CCDC187: variants seen among roughly 807,000 people sequenced by gnomAD.
The protein encoded by CCDC187 is coiled-coil domain containing 187.
A neutral mutation model predicts 38.0 loss-of-function variants in CCDC187; 32 were observed. The ratio of observed to expected loss-of-function variants is 0.84; its 90% CI spans 0.64 to 1.13. The LOEUF is 1.13. Ranked by LOEUF, CCDC187 falls within the 50% of genes most tolerant of loss-of-function variation. The probability of loss-of-function intolerance (pLI) is 0.00; values close to 1 mark genes in which losing one functional copy is unlikely to be tolerated. For synonymous variants in CCDC187, 333 were observed against 347.9 expected (o/e 0.96, Z 0.48); for missense variants, 707 against 786.8 (o/e 0.90, Z 1.21).
At chr9:136,299,250 G>A (rs1020087845) in intron 3 of CCDC187, among the ~76,000 whole-genome samples, 8 of 152,156 alleles carry the variant, frequency 5.3e-5, no homozygotes, top group Non-Finnish European at 1.0e-4. Context: ...GGCCAGCCCT[G>A]GACCCCGCCC....
chr9:136,284,920 G>A (rs948221583), intron 9 of CCDC187, among the ~76,000 whole-genome samples: 20 of 152,248 alleles, frequency 1.3e-4, no homozygotes, highest in African/African-American at 3.6e-4. Context: ...GCTGGGCTCC[G>A]CTTCAGCCTG....
intron 14 of CCDC187, among the ~76,000 whole-genome samples, 175 bp from the exon 15 acceptor site, chr9:136,268,300 A>C (rs1249458489): frequency 2.0e-5 from 3 of 152,222 alleles, no homozygotes; most frequent in Non-Finnish European, 2.9e-5. Flanking sequence ...GCGGGAAGGG[A>C]CAGGCAGTCT....
Position 136,257,381 on chromosome 9 carries a change from TAA to T in CCDC187, c.4367-542_4367-541del, listed in dbSNP as rs1564306166. Among the ~76,000 whole-genome samples the T allele has an allele frequency of 2.0e-4, 27 of 133,158 alleles. No homozygotes were observed. Among genetic ancestry groups the T allele is most frequent in the Non-Finnish European group, 4.2e-4 (25 of 60,202 alleles). 87.4% of individuals were successfully genotyped at this position (133,158 alleles called of 152,430 possible). A position where few individuals can be genotyped will look rare whatever the true frequency, so the allele number is the denominator to read the frequency against. On this transcript the variant is annotated intron_variant, in intron 22 of 25. Coordinates refer to ENST00000638797, the MANE Select transcript of CCDC187 (RefSeq NM_001378188.1). The surrounding 1 kb of genome is among the most constrained non-coding windows in gnomAD (Gnocchi z 4.5). ...GTGAGACTTTGTCTCAAAATTATAATAATAATAATAATAATAATAATAATAAT... is the reference window on the plus strand; with the variant it reads ...GTGAGACTTTGTCTCAAAATTATAATTAATAATAATAATAATAATAATAAT...
rs1830596061 is a variant in CCDC187 at position 136,255,073 on chromosome 9, G to A, written c.4755C>T (p.Leu1585=). The A allele has an allele frequency of 1.0e-6, 1 of 985,636 alleles. No homozygotes were observed. The highest frequency in any genetic ancestry group is 1.2e-6 in the Non-Finnish European group (1 of 830,102). The allele number at this position is 985,636 out of a possible 1,614,324, so 61.1% of individuals were successfully genotyped here. A position where few individuals can be genotyped will look rare whatever the true frequency, so the allele number is the denominator to read the frequency against. ...PPILHQGSPL[L]PTTSSCGPGS... is the part of the protein sequence containing the mutation. Reference sequence around the variant, plus strand: ...CTGGACCGCAGGAGGAGGTGGTGGGGAGAAGGGGACTGCCCTGGTGCAGGA... The same window carrying A: ...CTGGACCGCAGGAGGAGGTGGTGGGAAGAAGGGGACTGCCCTGGTGCAGGA... Residue 1585 remains leucine (L), a synonymous_variant, in exon 26 of 26, where the codon CTC becomes CTT. Transcript: ENST00000638797.
chr9:136,285,013 G>T (rs1445190098), intron 9 of CCDC187, among the ~76,000 whole-genome samples: 2 of 152,092 alleles, frequency 1.3e-5, no homozygotes, highest in African/African-American at 4.8e-5. Context: ...GCCTGGGGGC[G>T]CGGGACAGGC....
chr9:136,295,480 C>T (rs1257469127), intron 4 of CCDC187, among the ~76,000 whole-genome samples: 3 of 152,050 alleles, frequency 2.0e-5, no homozygotes, highest in Admixed American at 6.6e-5. Context: ...GTTCTGGGGC[C>T]GACCTAATCT....
intron 4 of CCDC187, among the ~76,000 whole-genome samples, chr9:136,292,623 C>T (rs1442009647): frequency 1.2e-4 from 19 of 152,218 alleles, no homozygotes; most frequent in Non-Finnish European, 1.3e-4. Flanking sequence ...GCTCTCAGCA[C>T]AGGCCGGGCA....
chr9:136,298,082 C>G (rs1831580048), intron 3 of CCDC187, among the ~76,000 whole-genome samples: 1 of 152,206 alleles, frequency 6.6e-6, no homozygotes, highest in South Asian at 2.1e-4. Context: ...GCAGGCATAC[C>G]TATTCAAATT....
upstream of CCDC187, among the ~76,000 whole-genome samples, chr9:136,304,344 A>T (rs1403210186): frequency 1.3e-5 from 2 of 152,062 alleles, no homozygotes; most frequent in Non-Finnish European, 2.9e-5. Context: ...GGTTAGGTTC[A>T]ATTCAGTCTG....
upstream of CCDC187, among the ~76,000 whole-genome samples, chr9:136,306,237 C>A (rs1030315613): frequency 3.9e-5 from 6 of 152,220 alleles, no homozygotes; most frequent in Non-Finnish European, 7.4e-5. Flanking sequence ...CACATCCCCA[C>A]CCTACTCCGG....
At chr9:136,286,808 C>T (rs909486530) in intron 7 of CCDC187, 113 bp from the exon 8 acceptor site, 9,697 of 397,748 alleles carry the variant, frequency 0.024, 163 homozygotes, top group Middle Eastern at 0.056. Context: ...GTGACGGACC[C>T]AGTGTCTGTC....
chr9:136,267,613 G>A (rs1215615543), intron 15 of CCDC187, 102 bp from the exon 16 acceptor site: 2 of 985,430 alleles, frequency 2.0e-6, no homozygotes, highest in Admixed American at 6.1e-5. Flanking sequence ...CTAGCTTCTA[G>A]ACCGCTCCCA....
rs1830590814 is a variant in CCDC187 at position 136,254,653 on chromosome 9, T to C, written c.5175A>G (p.Ala1725=). Residue 1725 remains alanine (A), a synonymous_variant, in exon 26 of 26, where the codon GCA becomes GCG. Transcript: ENST00000638797. ...GGCTTTGCTCCGGCGCTGAAACTTC[T>C]GCCATGGCCGTGTCCAAGGAGGAGC... ...LRGSSLDTAM[A]EVSAPEQSPK... is the part of the protein sequence containing the mutation. 1 of 985,546 alleles carries C rather than the reference T, an allele frequency of 1.0e-6. No homozygotes were observed. The highest frequency in any genetic ancestry group is 4.7e-5 in the South Asian group (1 of 21,288). 61.1% of individuals were successfully genotyped at this position (985,546 alleles called of 1,614,324 possible).
intron 14 of CCDC187, among the ~76,000 whole-genome samples, chr9:136,270,531 G>A (rs376672490): frequency 6.6e-6 from 1 of 152,258 alleles, no homozygotes; most frequent in East Asian, 1.9e-4. Context: ...TATCTACTAC[G>A]AACTTTAAAG....
chr9:136,261,791 C>T (rs950883548), intron 19 of CCDC187, among the ~76,000 whole-genome samples: 3 of 152,204 alleles, frequency 2.0e-5, no homozygotes, highest in Admixed American at 6.5e-5. Flanking sequence ...CTTTCTGCTT[C>T]GAGGGGTTCT....
intron 7 of CCDC187, 43 bp downstream of exon 7, chr9:136,289,904 TGGCCCCCCCCAA>T: frequency 3.2e-6 from 1 of 307,768 alleles, no homozygotes; most frequent in Non-Finnish European, 5.4e-6. Context: ...GAACTGTTCT[TGGCCCCCCCCAA>T]GGCCCCGCCC....
rs1554759111 is a variant in CCDC187 at position 136,250,270 on chromosome 9, C to G, written c.*3324G>C. The G allele has an allele frequency of 6.0e-6, 1 of 167,124 alleles. No homozygotes were observed. The highest frequency in any genetic ancestry group is 2.4e-5 in the African/African-American group (1 of 41,598). The allele number at this position is 167,124 out of a possible 1,614,324, so 10.4% of individuals were successfully genotyped here. A position where few individuals can be genotyped will look rare whatever the true frequency, so the allele number is the denominator to read the frequency against. ...GTTTTCCTTCGTTCCTCACGACCAGCCCCCTTCAAGGGCACCCTACCACCT... is the reference window on the plus strand; with the variant it reads ...GTTTTCCTTCGTTCCTCACGACCAGGCCCCTTCAAGGGCACCCTACCACCT... On this transcript the variant is annotated 3_prime_UTR_variant, in exon 26 of 26. Coordinates refer to ENST00000638797, the MANE Select transcript of CCDC187 (RefSeq NM_001378188.1).
At chr9:136,284,727 G>A (rs1227868747) in intron 9 of CCDC187, among the ~76,000 whole-genome samples, 7 of 148,838 alleles carry the variant, frequency 4.7e-5, no homozygotes, top group Non-Finnish European at 8.9e-5. Context: ...GGGGGCAGGT[G>A]TGGAGGGGGT....
At position 136,293,020 on chromosome 9, in the gene CCDC187, C is replaced by T. The variant is rs1487010775; in HGVS notation, c.833-725G>A. Among the ~76,000 whole-genome samples the T allele has an allele frequency of 3.9e-5, 6 of 152,370 alleles. No homozygotes were observed. The East Asian group carries it at 9.6e-4, about 24-fold the overall frequency. On this transcript the variant is annotated intron_variant, in intron 4 of 25. Coordinates refer to ENST00000638797, the MANE Select transcript of CCDC187 (RefSeq NM_001378188.1). The stretch of plus-strand genomic sequence containing the variant: ...ATGCCAACACCAGCCCCACCAGCCC[C>T]GTGGGCCCAGCTGCGAGGGCCCTGG...
Sources: allele counts gnomAD v4.1 joint callset (sites outside exome capture counted in the v4.1 genomes callset), GRCh38; gene constraint gnomAD v4.1.1; non-coding constraint Gnocchi (gnomAD v3.1); transcripts MANE v1.5; gene names NCBI Gene and HGNC (gene_info 2026-07-23, HGNC 2026-07-21).